Variants in CHLSN observed in about 807,000 individuals in gnomAD.
The protein encoded by CHLSN is cholesin.
At chr7:1,000,500 C>T in the CHLSN span, 2 of 1,608,514 alleles carry the variant, frequency 1.2e-6, no homozygotes, top group Non-Finnish European at 1.7e-6. Context: ...GCAGCAGGAG[C>T]CACGTCTGCC....
At chr7:978,246 G>A in the CHLSN span, among the ~76,000 whole-genome samples, 5 of 152,200 alleles carry the variant, frequency 3.3e-5, no homozygotes, top group African/African-American at 7.2e-5. Context: ...GGCTGGGGGC[G>A]GTGGCTCACA....
chr7:1,023,278 C>T, the CHLSN span, among the ~76,000 whole-genome samples: 2 of 152,202 alleles, frequency 1.3e-5, no homozygotes, highest in Non-Finnish European at 2.9e-5. The surrounding 1 kb of genome is among the most constrained non-coding windows in gnomAD (Gnocchi z 5.0). Context: ...GTGTCCCCAA[C>T]AGATGGCACG....
chr7:1,124,841 C>T, the CHLSN span, among the ~76,000 whole-genome samples: 2 of 152,110 alleles, frequency 1.3e-5, no homozygotes, highest in African/African-American at 2.4e-5. Flanking sequence ...TCAGGTGGAA[C>T]GCGGGGCTGC....
At chr7:1,007,145 G>A in the CHLSN span, among the ~76,000 whole-genome samples, 29 of 152,202 alleles carry the variant, frequency 1.9e-4, no homozygotes, top group Non-Finnish European at 3.7e-4. Context: ...AGAGAGATGA[G>A]AGGAAACTCT....
chr7:1,034,226 A>AC, the CHLSN span, among the ~76,000 whole-genome samples: 3 of 152,222 alleles, frequency 2.0e-5, no homozygotes, highest in African/African-American at 7.2e-5. Context: ...CCTGTATGGG[A>AC]CTTAAATGCT....
At chr7:1,054,433 A>G in the CHLSN span, among the ~76,000 whole-genome samples, 1 of 152,152 alleles carries the variant, frequency 6.6e-6, no homozygotes, top group African/African-American at 2.4e-5. Flanking sequence ...CCTGAACCCC[A>G]CCTGGAGGCC....
At chr7:1,052,970 C>T in the CHLSN span, among the ~76,000 whole-genome samples, 1 of 152,126 alleles carries the variant, frequency 6.6e-6, no homozygotes, top group Admixed American at 6.5e-5. The surrounding 1 kb of genome is among the most constrained non-coding windows in gnomAD (Gnocchi z 4.2). Flanking sequence ...CTCTCCCAGC[C>T]TCTAAGTCTC....
At chr7:1,054,980 C>G in the CHLSN span, among the ~76,000 whole-genome samples, 1 of 152,218 alleles carries the variant, frequency 6.6e-6, no homozygotes, top group Non-Finnish European at 1.5e-5. Flanking sequence ...ACCAACATCT[C>G]AAGCACACTG....
chr7:1,059,791 TTAGGCAGGCCCG>T, the CHLSN span, among the ~76,000 whole-genome samples: 11 of 32,668 alleles, frequency 3.4e-4, no homozygotes, highest in African/African-American at 1.5e-3. Flanking sequence ...GAGGCGGGTC[TTAGGCAGGCCCG>T]TAGTGGGGCG....
the CHLSN span, among the ~76,000 whole-genome samples, chr7:1,106,567 C>G: frequency 6.1e-4 from 93 of 152,292 alleles, 1 homozygote; most frequent in South Asian, 0.015. Context: ...AGGAGGAGCC[C>G]GGCCCACATG....
At chr7:1,113,030 A>G in the CHLSN span, among the ~76,000 whole-genome samples, 1 of 152,222 alleles carries the variant, frequency 6.6e-6, no homozygotes, top group African/African-American at 2.4e-5. Context: ...CGTGCAGTGC[A>G]GGATCCTCCT....
the CHLSN span, among the ~76,000 whole-genome samples, chr7:1,105,700 C>T: frequency 5.3e-5 from 8 of 151,892 alleles, no homozygotes; most frequent in African/African-American, 1.9e-4. Flanking sequence ...CTGCAACCTC[C>T]GCCTCACGGG....
the CHLSN span, among the ~76,000 whole-genome samples, chr7:1,059,778 A>AGTG: frequency 3.9e-5 from 1 of 25,840 alleles, no homozygotes; most frequent in Non-Finnish European, 7.4e-5. Context: ...GCGGGTCCGT[A>AGTG]ATGAGGCGGG....
the CHLSN span, among the ~76,000 whole-genome samples, chr7:1,099,548 C>T: frequency 1.2e-4 from 19 of 152,366 alleles, no homozygotes; most frequent in African/African-American, 3.8e-4. Flanking sequence ...TTCTTCTCCA[C>T]GGTGGGAAAC....
chr7:1,063,074 C>T, the CHLSN span, among the ~76,000 whole-genome samples: 1 of 152,176 alleles, frequency 6.6e-6, no homozygotes, highest in African/African-American at 2.4e-5. Context: ...TCCGTTCTCT[C>T]TGGGCTCCTC....
the CHLSN span, among the ~76,000 whole-genome samples, chr7:1,064,598 CAAGT>C: frequency 6.6e-6 from 1 of 152,232 alleles, no homozygotes; most frequent in Non-Finnish European, 1.5e-5. Flanking sequence ...GCTCAAAGCT[CAAGT>C]GTCACCCTGA....
the CHLSN span, among the ~76,000 whole-genome samples, chr7:1,124,981 T>C: frequency 6.6e-6 from 1 of 152,142 alleles, no homozygotes; most frequent in South Asian, 2.1e-4. Flanking sequence ...GCTGTCTGGC[T>C]TCCCTCGCCC....
chr7:1,028,539 C>G, the CHLSN span: 10 of 985,102 alleles, frequency 1.0e-5, no homozygotes, highest in Non-Finnish European at 1.2e-5. Flanking sequence ...GCTCCTCCGA[C>G]GAGGCTCTCT....
the CHLSN span, among the ~76,000 whole-genome samples, chr7:1,077,068 C>T: frequency 1.3e-5 from 2 of 152,276 alleles, no homozygotes; most frequent in Admixed American, 6.5e-5. Flanking sequence ...CGAGACTGTA[C>T]GACAGGGTCC....
Sources: gnomAD v4.1 joint callset for allele counts (sites outside exome capture counted in the v4.1 genomes callset) on GRCh38, gnomAD v4.1.1 for gene constraint, Gnocchi (gnomAD v3.1) non-coding constraint, MANE v1.5 for transcripts, NCBI Gene and HGNC (gene_info 2026-07-23, HGNC 2026-07-21) for gene names.